NIPA2: variants seen among roughly 807,000 people sequenced by gnomAD.
The protein encoded by NIPA2 is magnesium transporter NIPA2.
Under a neutral mutation model 29.7 loss-of-function variants are expected in NIPA2, and 11 were observed. The observed-to-expected ratio is 0.37, with a 90% CI of 0.23 to 0.61. NIPA2 has a LOEUF of 0.61. NIPA2 is among the 20% of genes least tolerant of loss of function. The pLI is 0.66. For missense variants in NIPA2, 426 were observed against 437.9 expected, an observed-to-expected ratio of 0.97 and a Z score of 0.24; for synonymous variants, 183 against 161.9, an observed-to-expected ratio of 1.13 and a Z score of -0.99.
intron 4 of NIPA2, 35 bp from the exon 5 acceptor site, chr15:22,853,177 T>C (rs753981647): frequency 7.0e-7 from 1 of 1,423,526 alleles, no homozygotes; most frequent in Non-Finnish European, 9.9e-7. Context: ...AGTCTTACAG[T>C]CTTCCAAAGA....
intron 3 of NIPA2, among the ~76,000 whole-genome samples, chr15:22,847,949 C>T (rs1899256424): frequency 6.6e-6 from 1 of 152,090 alleles, no homozygotes; most frequent in Admixed American, 6.6e-5. Context: ...AGGCATGTGC[C>T]ACCACGCCCA....
chr15:22,866,712 C>G lies in NIPA2; in HGVS notation c.948C>G (p.Asp316Glu). The change falls in exon 8 of 8, where the codon GAC becomes GAG. Residue 316 changes from aspartate to glutamate, a missense_variant. Around this residue, in one of 3 missense-constraint regions of NIPA2, gnomAD observed 357 missense variants for 339.8 expected, o/e 1.05. Transcript: ENST00000337451. ...LASLPVSFRK[D>E]EKAMNGNLSN... ...GTCTGCCTGTGTCTTTTCGAAAAGA[C>G]GAGAAAGCAATGAATGGCAATCTCT... 1 of 1,613,954 alleles carries G rather than the reference C, an allele frequency of 6.2e-7. No homozygotes were observed. The highest frequency in any genetic ancestry group is 1.7e-4 in the Middle Eastern group (1 of 6,054).
intron 3 of NIPA2, among the ~76,000 whole-genome samples, chr15:22,851,171 T>A (rs1028439090): frequency 2.0e-5 from 3 of 152,196 alleles, no homozygotes; most frequent in Admixed American, 6.6e-5. Flanking sequence ...CATCCCTGAA[T>A]AGGCTAAATA....
chr15:22,847,411 C>T (rs34324428), intron 3 of NIPA2, among the ~76,000 whole-genome samples: 32,020 of 151,760 alleles, frequency 0.21, 3,604 homozygotes, highest in Admixed American at 0.31. Context: ...GTAGAACTTG[C>T]ATGATAATTA....
At chr15:22,841,864 A>G (rs989845253) in intron 2 of NIPA2, among the ~76,000 whole-genome samples, 3 of 152,130 alleles carry the variant, frequency 2.0e-5, no homozygotes, top group African/African-American at 7.2e-5. Context: ...GGTCAGCCAC[A>G]GTGGCCTTTG....
At chr15:22,841,762 C>CTCCCAA (rs1897155020) in intron 2 of NIPA2, among the ~76,000 whole-genome samples, 1 of 152,176 alleles carries the variant, frequency 6.6e-6, no homozygotes, top group Non-Finnish European at 1.5e-5. Flanking sequence ...CCGCCTCGAC[C>CTCCCAA]TCCCAAAGTG....
At chr15:22,839,951 A>G (rs61519192) in intron 2 of NIPA2, among the ~76,000 whole-genome samples, 161 bp downstream of exon 2, 9,285 of 152,268 alleles carry the variant, frequency 0.061, 635 homozygotes, top group East Asian at 0.38. Flanking sequence ...TTTCTGAGCC[A>G]AGGTCTTGCT....
At chr15:22,849,170 A>C (rs768612384) in intron 3 of NIPA2, among the ~76,000 whole-genome samples, 2 of 152,208 alleles carry the variant, frequency 1.3e-5, no homozygotes, top group Non-Finnish European at 2.9e-5. Flanking sequence ...TTTACTGTCA[A>C]TGAGACTCAC....
At chr15:22,853,435 G>A (rs1010072506) in intron 5 of NIPA2, among the ~76,000 whole-genome samples, 167 bp downstream of exon 5, 2 of 149,700 alleles carry the variant, frequency 1.3e-5, no homozygotes, top group African/African-American at 2.5e-5. Context: ...GTGCAGTGGC[G>A]TGATCTTGGC....
intron 2 of NIPA2, among the ~76,000 whole-genome samples, chr15:22,842,609 A>C (rs1296478928): frequency 6.6e-6 from 1 of 151,960 alleles, no homozygotes; most frequent in Admixed American, 6.6e-5. Context: ...CAGAAGGATC[A>C]CCCGAGGTCA....
Position 22,866,634 on chromosome 15 carries a change from TGTG to T in NIPA2, c.872_874del (p.Val291del). On this transcript the variant is annotated inframe_deletion, in exon 8 of 8. Transcript: ENST00000337451. ...CTTTGAGTGGCTTCTTTACAATCAT[TGTG>T]GGGATATTCTTGTTGCATGCCTTTA... The T allele has an allele frequency of 6.2e-7, 1 of 1,614,118 alleles. No homozygotes were observed. The highest frequency in any genetic ancestry group is 8.5e-7 in the Non-Finnish European group (1 of 1,179,986).
At chr15:22,846,577 C>T (rs556087605) in intron 3 of NIPA2, among the ~76,000 whole-genome samples, 3 of 151,978 alleles carry the variant, frequency 2.0e-5, no homozygotes, top group Non-Finnish European at 4.4e-5. Context: ...CTTTGGGAGG[C>T]CGAGGCAGGC....
chr15:22,860,063 CTG>C (rs930257840), intron 6 of NIPA2, among the ~76,000 whole-genome samples: 5 of 147,492 alleles, frequency 3.4e-5, no homozygotes, highest in African/African-American at 1.3e-4. Context: ...TGGAGTTTCA[CTG>C]TGTCACCCAG....
rs2059152865 is a variant in NIPA2 at position 22,867,171 on chromosome 15, A to G, written c.*324A>G. On this transcript the variant is annotated 3_prime_UTR_variant, in exon 8 of 8. Transcript: ENST00000337451. ...ATGCTTTATTTTTTCATTGGTGATG[A>G]AAGTCTGAAATGTGCATTTGTCATC... 2 of 444,768 alleles carry G rather than the reference A, an allele frequency of 4.5e-6. No homozygotes were observed. The highest frequency in any genetic ancestry group is 6.7e-5 in the South Asian group (1 of 14,868). The allele number at this position is 444,768 out of a possible 1,614,324, so 27.6% of individuals were successfully genotyped here. A position where few individuals can be genotyped will look rare whatever the true frequency, so the allele number is the denominator to read the frequency against.
At chr15:22,860,928 C>G in intron 7 of NIPA2, 139 bp downstream of exon 7, 1 of 605,660 alleles carries the variant, frequency 1.7e-6, no homozygotes. Flanking sequence ...TTCCCTGCTC[C>G]CTCCTATCAA....
intron 7 of NIPA2, among the ~76,000 whole-genome samples, chr15:22,863,540 C>T (rs1219645315): frequency 1.3e-5 from 2 of 152,208 alleles, no homozygotes; most frequent in South Asian, 2.1e-4. Flanking sequence ...GGCCTCCTGG[C>T]CGGGCTTTCC....
intron 3 of NIPA2, among the ~76,000 whole-genome samples, chr15:22,848,661 A>T (rs899808114): frequency 4.7e-5 from 7 of 149,316 alleles, no homozygotes; most frequent in African/African-American, 1.8e-4. Flanking sequence ...CTCCATCTCT[A>T]CTAAAAATAC....
rs2058553746 is a variant in NIPA2, at chr15:22,860,627, A to G, written c.288-2A>G. 2 of 1,544,542 alleles carry G rather than the reference A, an allele frequency of 1.3e-6. No homozygotes were observed. Among genetic ancestry groups the G allele is most frequent in the African/African-American group, 1.4e-5 (1 of 71,046 alleles). ...CTCAATTTTTTTTCCTCCCCATTTT[A>G]GTGCCATTCTTTCTTCATACTTTCT... On this transcript the variant is annotated splice_acceptor_variant, in intron 6 of 7. Transcript: ENST00000337451. LOFTEE classifies it high-confidence loss of function.
chr15:22,865,625 T>C (rs1476527535), intron 7 of NIPA2, among the ~76,000 whole-genome samples: 1 of 152,064 alleles, frequency 6.6e-6, no homozygotes, highest in African/African-American at 2.4e-5. Context: ...GGTAGTTGAG[T>C]GCGAATTGCT....
Sources: gnomAD v4.1 joint callset for allele counts (sites outside exome capture counted in the v4.1 genomes callset) on GRCh38, gnomAD v4.1.1 for gene constraint, gnomAD v4.1.1 regional missense constraint, MANE v1.5 for transcripts, NCBI Gene and HGNC (gene_info 2026-07-23, HGNC 2026-07-21) for gene names.